The following SHCBP1L variants were observed in gnomAD, a reference collection of about 807,000 sequenced individuals.
The protein encoded by SHCBP1L is testicular spindle-associated protein SHCBP1L.
In SHCBP1L, 67 loss-of-function variants were observed where a neutral mutation model predicts 62.5. The observed-to-expected ratio is 1.07, with a 90% confidence interval of 0.88 to 1.31. The LOEUF is 1.31. Among genes scored for constraint, SHCBP1L ranks in the 40% most tolerant of loss-of-function variants. The pLI is 0.00. For synonymous variants in SHCBP1L, 284 were observed against 289.4 expected, an observed-to-expected ratio of 0.98 and a Z score of 0.19; for missense variants, 823 against 809.8, an observed-to-expected ratio of 1.02 and a Z score of -0.20.
intron 5 of SHCBP1L, among the ~76,000 whole-genome samples, chr1:182,930,569 A>G (rs1156305937): frequency 8.2e-6 from 1 of 121,692 alleles, no homozygotes; most frequent in East Asian, 2.2e-4. Context: ...ATATATATAT[A>G]TATATATATA....
chr1:182,905,288 G>A (rs1444457167), intron 7 of SHCBP1L, among the ~76,000 whole-genome samples: 2 of 152,108 alleles, frequency 1.3e-5, no homozygotes, highest in Admixed American at 6.5e-5. Context: ...AGTAAAGATA[G>A]ATAAGAAAAA....
intron 9 of SHCBP1L, among the ~76,000 whole-genome samples, chr1:182,902,568 TAGAA>T (rs1379493983): frequency 2.6e-5 from 4 of 152,202 alleles, no homozygotes; most frequent in African/African-American, 9.6e-5. Context: ...GAGAGGGACT[TAGAA>T]AGACAAGATT....
chr1:182,916,054 T>C (rs1369418332), intron 6 of SHCBP1L, among the ~76,000 whole-genome samples: 9 of 152,130 alleles, frequency 5.9e-5, no homozygotes, highest in Admixed American at 2.6e-4. Context: ...GATCCGCCCC[T>C]CTCGGCCTCC....
At chr1:182,922,390 T>C (rs865860909) in intron 6 of SHCBP1L, among the ~76,000 whole-genome samples, 2 of 151,830 alleles carry the variant, frequency 1.3e-5, no homozygotes, top group Non-Finnish European at 2.9e-5. Context: ...CCATCTCTAC[T>C]AAAAATACAA....
intron 9 of SHCBP1L, among the ~76,000 whole-genome samples, chr1:182,900,579 C>T (rs868229414): frequency 1.3e-5 from 2 of 152,124 alleles, no homozygotes; most frequent in East Asian, 1.9e-4. Flanking sequence ...CTACAAGGCG[C>T]GTGCCACCAC....
chr1:182,933,716 T>C (rs1651080447), intron 5 of SHCBP1L, among the ~76,000 whole-genome samples: 1 of 152,206 alleles, frequency 6.6e-6, no homozygotes, highest in South Asian at 2.1e-4. Context: ...GATCTTTTTA[T>C]ATGTTGCTGG....
chr1:182,927,812 C>A (rs1650830582), intron 6 of SHCBP1L, among the ~76,000 whole-genome samples: 1 of 152,060 alleles, frequency 6.6e-6, no homozygotes, highest in African/African-American at 2.4e-5. Context: ...TAGTCTCCCT[C>A]TAATTATTCT....
At chr1:182,946,790 T>C (rs1403602302) in intron 2 of SHCBP1L, among the ~76,000 whole-genome samples, 2 of 152,244 alleles carry the variant, frequency 1.3e-5, no homozygotes, top group African/African-American at 4.8e-5. Flanking sequence ...CTATTTTCTT[T>C]ATGGTGTTAG....
chr1:182,924,977 AAAAAAAGGAAGAAG>A (rs1650690835), intron 6 of SHCBP1L, among the ~76,000 whole-genome samples: 7 of 140,526 alleles, frequency 5.0e-5, no homozygotes, highest in East Asian at 2.1e-4. Flanking sequence ...AAAGAAAGAA[AAAAAAAGGAAGAAG>A]GAAAGGAAGG....
intron 6 of SHCBP1L, among the ~76,000 whole-genome samples, chr1:182,918,153 TAC>T (rs61535911): frequency 3.0e-5 from 4 of 131,246 alleles, no homozygotes; most frequent in Non-Finnish European, 6.3e-5. Flanking sequence ...CACATATATA[TAC>T]ACATATATAT....
At chr1:182,928,042 G>A (rs1650839339) in intron 6 of SHCBP1L, among the ~76,000 whole-genome samples, 1 of 152,156 alleles carries the variant, frequency 6.6e-6, no homozygotes, top group South Asian at 2.1e-4. Context: ...TGTTTATAAA[G>A]ATGTTAGTGG....
chr1:182,952,462 A>G (rs759327922), intron 1 of SHCBP1L: 3 of 422,260 alleles, frequency 7.1e-6, no homozygotes, highest in African/African-American at 2.1e-5. Context: ...TTCATTTTTT[A>G]GGAGCTCTCA....
intron 6 of SHCBP1L, among the ~76,000 whole-genome samples, chr1:182,928,364 C>T (rs1650852249): frequency 6.6e-6 from 1 of 152,004 alleles, no homozygotes; most frequent in Non-Finnish European, 1.5e-5. Flanking sequence ...AAGAAGCTCA[C>T]ATACTAGTGA....
At chr1:182,942,192 T>C in intron 2 of SHCBP1L, 1 of 1,177,788 alleles carries the variant, frequency 8.5e-7, no homozygotes, top group Middle Eastern at 1.9e-4. Context: ...GGTAAATCTT[T>C]AGTTTCTTGG....
intron 6 of SHCBP1L, among the ~76,000 whole-genome samples, chr1:182,911,627 G>C (rs1650191110): frequency 6.6e-6 from 1 of 152,102 alleles, no homozygotes; most frequent in Admixed American, 6.6e-5. Context: ...AAGCAACCAG[G>C]AGAACAATGT....
At position 182,905,425 on chromosome 1, in the gene SHCBP1L, G is replaced by A. The variant is rs1649979498; in HGVS notation, c.1336+71C>T. ...TTGTAATTTCCAATAATTCCATTAAGCATGTTTAGAATACACAATTTGTCC... is the reference window on the plus strand; with the variant it reads ...TTGTAATTTCCAATAATTCCATTAAACATGTTTAGAATACACAATTTGTCC... On this transcript the variant is annotated intron_variant, in intron 7 of 9. Transcript: ENST00000367547. The A allele has an allele frequency of 4.3e-6, 6 of 1,390,656 alleles. No homozygotes were observed. The South Asian group carries it at 8.2e-5, about 19-fold the overall frequency. The allele number at this position is 1,390,656 out of a possible 1,614,324, so 86.1% of individuals were successfully genotyped here.
intron 6 of SHCBP1L, among the ~76,000 whole-genome samples, chr1:182,924,954 GAAAGAAAGAA>G (rs1650681842): frequency 9.2e-6 from 1 of 108,570 alleles, no homozygotes; most frequent in Admixed American, 1.1e-4. Context: ...AAGAAAGAAA[GAAAGAAAGAA>G]AGAAAGAAAG....
intron 1 of SHCBP1L, 103 bp downstream of exon 1, chr1:182,952,626 G>A: frequency 7.4e-7 from 1 of 1,356,794 alleles, no homozygotes. Flanking sequence ...AGTTTTCGTT[G>A]TGCCCTGTGG....
chr1:182,939,537 G>T lies in SHCBP1L; in HGVS notation c.787C>A (p.Leu263Ile). 1 of 1,601,970 alleles carries T rather than the reference G, an allele frequency of 6.2e-7. No individual in the cohort carries two copies. Among genetic ancestry groups the T allele is most frequent in the Non-Finnish European group, 8.5e-7 (1 of 1,175,638 alleles). The change falls in exon 4 of 10, where the codon CTT becomes ATT. Residue 263 changes from leucine (L) to isoleucine (I), a missense_variant. Coordinates refer to ENST00000367547, the MANE Select transcript of SHCBP1L (RefSeq NM_030933.4). ...TCTTCATCATCCCAGTCTCTCCAAA[G>T]AAAGTCATAAAAAAACCTACGATAA... ...LEVVRFFYDF[L>I]WRDWDDEESC...
Sources: gnomAD v4.1 joint callset for allele counts (sites outside exome capture counted in the v4.1 genomes callset) on GRCh38, gnomAD v4.1.1 for gene constraint, MANE v1.5 for transcripts, NCBI Gene and HGNC (gene_info 2026-07-23, HGNC 2026-07-21) for gene names.